Variants in ABTB3 observed in about 807,000 individuals in gnomAD.
The protein encoded by ABTB3 is ankyrin repeat and BTB domain containing 3.
At chr12:107,405,069 C>A in the ABTB3 span, among the ~76,000 whole-genome samples, 10 of 152,306 alleles carry the variant, frequency 6.6e-5, no homozygotes, top group African/African-American at 2.2e-4. Flanking sequence ...CAACATTCTG[C>A]TTTGGTGAGT....
chr12:107,344,727 A>G, the ABTB3 span, among the ~76,000 whole-genome samples: 1 of 152,374 alleles, frequency 6.6e-6, no homozygotes, highest in South Asian at 2.1e-4. Context: ...AAGCAGAGGT[A>G]GAGCCAGAAC....
chr12:107,403,175 C>T, the ABTB3 span, among the ~76,000 whole-genome samples: 1 of 152,186 alleles, frequency 6.6e-6, no homozygotes, highest in Non-Finnish European at 1.5e-5. Context: ...CTCCTGGCTC[C>T]CTGTGAAGTG....
chr12:107,550,433 A>G, the ABTB3 span, among the ~76,000 whole-genome samples: 1 of 151,010 alleles, frequency 6.6e-6, no homozygotes, highest in Admixed American at 6.6e-5. Context: ...TGGTAGAATT[A>G]TGGACTCGTA....
At chr12:107,658,272 A>G in the ABTB3 span, 5 of 153,482 alleles carry the variant, frequency 3.3e-5, no homozygotes, top group African/African-American at 1.2e-4. Flanking sequence ...ATATTTCTAA[A>G]AGCTTAACAG....
chr12:107,461,690 A>G, the ABTB3 span, among the ~76,000 whole-genome samples: 7 of 152,300 alleles, frequency 4.6e-5, no homozygotes, highest in East Asian at 1.9e-4. Context: ...CTTGAAAAAG[A>G]AAGTTTTGAG....
chr12:107,627,300 C>T, the ABTB3 span, among the ~76,000 whole-genome samples: 2 of 152,170 alleles, frequency 1.3e-5, no homozygotes, highest in African/African-American at 4.8e-5. Context: ...ATGGTCAGGA[C>T]CTGAGCTTAG....
At chr12:107,615,766 C>G in the ABTB3 span, among the ~76,000 whole-genome samples, 1 of 152,210 alleles carries the variant, frequency 6.6e-6, no homozygotes, top group Non-Finnish European at 1.5e-5. Flanking sequence ...TGTACTTTTT[C>G]TGGCTGTTGT....
At chr12:107,392,214 G>T in the ABTB3 span, among the ~76,000 whole-genome samples, 1 of 152,168 alleles carries the variant, frequency 6.6e-6, no homozygotes. Flanking sequence ...TGGCAGGCCG[G>T]GGTCCCTGCC....
chr12:107,497,132 C>T, the ABTB3 span, among the ~76,000 whole-genome samples: 26 of 152,214 alleles, frequency 1.7e-4, no homozygotes, highest in African/African-American at 6.3e-4. Context: ...ATCGTTACCT[C>T]CACCATCATC....
the ABTB3 span, among the ~76,000 whole-genome samples, chr12:107,462,768 TG>T: frequency 1.3e-5 from 2 of 151,020 alleles, no homozygotes; most frequent in African/African-American, 4.9e-5. Flanking sequence ...GTGGCAGTGA[TG>T]GTGATGATGA....
At chr12:107,514,837 A>G in the ABTB3 span, among the ~76,000 whole-genome samples, 3 of 152,210 alleles carry the variant, frequency 2.0e-5, no homozygotes, top group African/African-American at 7.2e-5. Context: ...AAATTTCATA[A>G]TCCTCTAAAA....
At chr12:107,380,865 G>A in the ABTB3 span, among the ~76,000 whole-genome samples, 1 of 152,070 alleles carries the variant, frequency 6.6e-6, no homozygotes, top group East Asian at 1.9e-4. Context: ...ATATTATATG[G>A]TAGTACAGCA....
the ABTB3 span, among the ~76,000 whole-genome samples, chr12:107,479,897 C>A: frequency 2.0e-5 from 3 of 152,196 alleles, no homozygotes; most frequent in African/African-American, 2.4e-5. Flanking sequence ...TAGGGAGGAA[C>A]TGAGAAAGCA....
the ABTB3 span, among the ~76,000 whole-genome samples, chr12:107,339,680 CGTGT>C: frequency 0.018 from 2,653 of 149,024 alleles, 86 homozygotes; most frequent in African/African-American, 0.06. Flanking sequence ...TGTGCATGCA[CGTGT>C]GTGTGTGTGT....
the ABTB3 span, among the ~76,000 whole-genome samples, chr12:107,560,344 C>T: frequency 1.3e-5 from 2 of 152,176 alleles, no homozygotes; most frequent in African/African-American, 4.8e-5. Flanking sequence ...TTCACAGGCC[C>T]TCTGTTGGCC....
chr12:107,607,190 T>G, the ABTB3 span, among the ~76,000 whole-genome samples: 1 of 152,196 alleles, frequency 6.6e-6, no homozygotes, highest in Non-Finnish European at 1.5e-5. Flanking sequence ...CAATGGATAA[T>G]GTTTTTAGTA....
At chr12:107,324,283 C>T in the ABTB3 span, among the ~76,000 whole-genome samples, 4 of 152,034 alleles carry the variant, frequency 2.6e-5, no homozygotes, top group Non-Finnish European at 5.9e-5. Context: ...ATTATAGCAC[C>T]AAGTAACTCA....
chr12:107,500,640 G>A, the ABTB3 span, among the ~76,000 whole-genome samples: 2 of 152,138 alleles, frequency 1.3e-5, no homozygotes, highest in Non-Finnish European at 2.9e-5. Context: ...CTCAGGCCAC[G>A]ACTGTGTAAA....
chr12:107,397,398 A>G, the ABTB3 span, among the ~76,000 whole-genome samples: 2 of 152,108 alleles, frequency 1.3e-5, no homozygotes, highest in African/African-American at 4.8e-5. Flanking sequence ...TTTTCTGAAT[A>G]TTTGGGTCTC....
Sources: gnomAD v4.1 joint callset for allele counts (sites outside exome capture counted in the v4.1 genomes callset) on GRCh38, gnomAD v4.1.1 for gene constraint, MANE v1.5 for transcripts, NCBI Gene and HGNC (gene_info 2026-07-23, HGNC 2026-07-21) for gene names.